NID2: variants seen among roughly 807,000 people sequenced by gnomAD.
NID2 encodes nidogen 2.
NID2 carries 83 observed loss-of-function variants against 145.4 expected under a neutral mutation model. The observed-to-expected ratio is 0.57, with a 90% CI of 0.48 to 0.69. NID2 has a LOEUF of 0.69. Ranked by LOEUF, NID2 falls within the 30% of genes least tolerant of loss-of-function variation. The probability of loss-of-function intolerance (pLI) is 0.00; values close to 1 mark genes in which losing one functional copy is unlikely to be tolerated. For synonymous variants in NID2, 739 were observed against 701.3 expected (o/e 1.05, Z -0.85); for missense variants, 1,807 against 1,765.7 (o/e 1.02, Z -0.42).
chr14:52,012,949 A>G (rs1162480755), intron 16 of NID2, among the ~76,000 whole-genome samples: 1 of 152,222 alleles, frequency 6.6e-6, no homozygotes, highest in Non-Finnish European at 1.5e-5. Flanking sequence ...GTCAGCCAAG[A>G]AAGATTGTAC....
chr14:52,067,892 T>C lies in NID2; in HGVS notation c.500A>G (p.Glu167Gly), dbSNP rs1245882776. The change falls in exon 2 of 22, where the codon GAG becomes GGG. Residue 167 changes from glutamate (E) to glycine (G), a missense_variant. By Grantham distance (98) the Glu-to-Gly change is moderately conservative. Transcript: ENST00000216286. ...LATWEQVGAY[E>G]EVKRGALPSG... ...GGGCAGCGCCCCGCGCTTGACCTCC[T>C]CGTAAGCGCCTACCTGCTCCCAGGT... 1 of 1,612,576 alleles carries C rather than the reference T, an allele frequency of 6.2e-7. No homozygotes were observed. Among genetic ancestry groups the C allele is most frequent in the African/African-American group, 1.3e-5 (1 of 74,876 alleles).
At chr14:52,013,752 G>A (rs1891113867) in intron 16 of NID2, among the ~76,000 whole-genome samples, 1 of 152,112 alleles carries the variant, frequency 6.6e-6, no homozygotes, top group African/African-American at 2.4e-5. Context: ...CACTCCTCAA[G>A]TTTTCATCTA....
chr14:52,012,352 C>G (rs1891061779), intron 16 of NID2, among the ~76,000 whole-genome samples: 2 of 152,172 alleles, frequency 1.3e-5, no homozygotes, highest in Non-Finnish European at 2.9e-5. Flanking sequence ...GCCTGTAATC[C>G]CTGTCCGTTG....
intron 7 of NID2, among the ~76,000 whole-genome samples, chr14:52,041,892 G>GAACATTT (rs1485514441): frequency 2.0e-5 from 3 of 152,240 alleles, no homozygotes; most frequent in Non-Finnish European, 4.4e-5. Flanking sequence ...ACAGCTGGGA[G>GAACATTT]AACATTTAGA....
intron 18 of NID2, chr14:52,010,654 G>A: frequency 2.0e-6 from 1 of 500,012 alleles, no homozygotes; most frequent in East Asian, 3.2e-5. Flanking sequence ...GTTTATACCA[G>A]TCTTGTTTCC....
In NID2 at chr14:52,053,570, T is replaced by C. The variant is rs1011284689; in HGVS notation, c.1429+9A>G. 2.5e-6 allele frequency: 4 copies of C among 1,604,968 alleles called. No individual in the cohort carries two copies. Among genetic ancestry groups the C allele is most frequent in the Middle Eastern group, 3.3e-4 (2 of 6,026 alleles). On this transcript the variant is annotated intron_variant, in intron 5 of 21. Coordinates refer to ENST00000216286, the MANE Select transcript of NID2 (RefSeq NM_007361.4). The stretch of plus-strand genomic sequence containing the variant: ...GAAACCTTAGCACCCAGTTTTCTAA[T>C]GCACTCACCCTCGGTGTTGGAACCT...
In NID2 at chr14:52,011,024, C is replaced by G. The variant is rs777683795; in HGVS notation, c.3574G>C (p.Ala1192Pro). 1.2e-6 allele frequency: 2 copies of G among 1,614,142 alleles called. No homozygotes were observed. The highest frequency in any genetic ancestry group is 1.1e-5 in the South Asian group (1 of 91,082). The stretch of plus-strand genomic sequence containing the variant: ...ATTGTTCTGCGGATGTGGTCTATGG[C>G]AAGTCCTTCAGGGCTTATCAGACCT... ...NSGLISPEGLAIDHIRRTMYW... is the reference protein window; with the variant it reads ...NSGLISPEGLPIDHIRRTMYW... The change falls in exon 18 of 22, where the codon GCC (alanine) becomes CCC (proline). Residue 1192 changes from alanine to proline, a missense_variant. By Grantham distance (27) the Ala-to-Pro change is conservative. Coordinates refer to ENST00000216286, the MANE Select transcript of NID2 (RefSeq NM_007361.4).
At chr14:52,019,603 AT>A (rs1221907564) in intron 13 of NID2, among the ~76,000 whole-genome samples, 6 of 152,290 alleles carry the variant, frequency 3.9e-5, no homozygotes, top group African/African-American at 1.4e-4. Context: ...GCCAAAGCTC[AT>A]TCATGCCCTG....
chr14:52,013,000 A>G (rs1430865549), intron 16 of NID2, among the ~76,000 whole-genome samples: 2 of 152,212 alleles, frequency 1.3e-5, no homozygotes, highest in African/African-American at 2.4e-5. Context: ...GGCAGCTTAT[A>G]TGGGGGGCGG....
chr14:52,027,112 CT>C, intron 12 of NID2, 88 bp downstream of exon 12: 1 of 1,308,892 alleles, frequency 7.6e-7, no homozygotes. Flanking sequence ...AAAGGAAGTC[CT>C]TTGTCTTTTC....
chr14:52,064,319 C>A (rs867644060), intron 2 of NID2, among the ~76,000 whole-genome samples: 1 of 152,318 alleles, frequency 6.6e-6, no homozygotes, highest in Non-Finnish European at 1.5e-5. Flanking sequence ...TTACTTCTTA[C>A]AATTATGGAG....
intron 5 of NID2, among the ~76,000 whole-genome samples, chr14:52,044,077 G>A (rs1438116293): frequency 6.6e-6 from 1 of 152,070 alleles, no homozygotes; most frequent in Non-Finnish European, 1.5e-5. Context: ...GGAGACAGGA[G>A]GGGAGGAAGA....
chr14:52,019,257 C>T lies in NID2; in HGVS notation c.2832G>A (p.Gln944=), dbSNP rs373278535. The T allele has an allele frequency of 7.5e-6, 12 of 1,603,182 alleles. No individual in the cohort carries two copies. The African/African-American group carries it at 1.6e-4, about 21-fold the overall frequency. Residue 944 remains glutamine (Q), a synonymous_variant, in exon 14 of 22, where the codon CAG becomes CAA. Coordinates refer to ENST00000216286, the MANE Select transcript of NID2 (RefSeq NM_007361.4). ...TSSLTPCEQQ[Q]RHAQAQYAYP... ...AGGCATACTGGGCCTGGGCATGGCG[C>T]TGCTGTTGTTCACAGGGTGTCAGGC...
chr14:52,017,036 C>G (rs1309989764), intron 14 of NID2, among the ~76,000 whole-genome samples: 3 of 152,184 alleles, frequency 2.0e-5, no homozygotes, highest in Non-Finnish European at 2.9e-5. Flanking sequence ...ACTTCTTCAG[C>G]CAAATGTGTC....
chr14:52,034,293 A>AC (rs1184761608), intron 9 of NID2, among the ~76,000 whole-genome samples: 2 of 102,920 alleles, frequency 1.9e-5, no homozygotes, highest in Non-Finnish European at 4.3e-5. Context: ...TCTGAATGGG[A>AC]CTCCATAGCC....
At chr14:52,014,246 A>G in intron 16 of NID2, 41 bp downstream of exon 16, 1 of 1,613,670 alleles carries the variant, frequency 6.2e-7, no homozygotes, top group Non-Finnish European at 8.5e-7. Flanking sequence ...CCACTGGGAA[A>G]GCCACGCAGC....
At position 52,010,962 on chromosome 14, in the gene NID2, G is replaced by T. The variant is rs78334407; in HGVS notation, c.3636C>A (p.Ser1212Arg). The T allele has an allele frequency of 6.2e-7, 1 of 1,614,076 alleles. No individual in the cohort carries two copies. Among genetic ancestry groups the T allele is most frequent in the South Asian group, 1.1e-5 (1 of 91,080 alleles). ...TGCGCTCAGAGCCATCCAGCAGGGC[G>T]CTCTCTATCTTATCCAGGACACTGT... ...WTDSVLDKIE[S>R]ALLDGSERKV... The change falls in exon 18 of 22, where the codon AGC becomes AGA. Residue 1212 changes from serine (S) to arginine (R), a missense_variant. By Grantham distance (110) the Ser-to-Arg change is moderately radical. Coordinates refer to ENST00000216286, the MANE Select transcript of NID2 (RefSeq NM_007361.4).
intron 14 of NID2, among the ~76,000 whole-genome samples, chr14:52,016,044 T>TCC (rs570712727): frequency 1.3e-5 from 2 of 151,938 alleles, no homozygotes; most frequent in Non-Finnish European, 2.9e-5. Context: ...TGTTGCCCTT[T>TCC]CCCCCCCTTT....
At chr14:52,020,679 A>G (rs1891374254) in intron 12 of NID2, among the ~76,000 whole-genome samples, 1 of 152,214 alleles carries the variant, frequency 6.6e-6, no homozygotes, top group Admixed American at 6.5e-5. Context: ...TAAGAAGCAC[A>G]TTCTGTCTTG....
Sources: allele counts gnomAD v4.1 joint callset (sites outside exome capture counted in the v4.1 genomes callset), GRCh38; gene constraint gnomAD v4.1.1; transcripts MANE v1.5; gene names NCBI Gene and HGNC (gene_info 2026-07-23, HGNC 2026-07-21).